The following HTR1F variants were observed in gnomAD, a reference collection of about 807,000 sequenced individuals.
HTR1F encodes the protein 5-hydroxytryptamine (serotonin) receptor 1F, G protein-coupled.
Under a neutral mutation model 24.0 loss-of-function variants are expected in HTR1F, and 17 were observed. The ratio of observed to expected loss-of-function variants is 0.71; its 90% CI spans 0.48 to 1.06. The LOEUF (loss-of-function observed/expected upper bound fraction) is 1.06. Among genes scored for constraint, HTR1F ranks in the 50% least tolerant of loss-of-function variants. The probability of loss-of-function intolerance (pLI) is 0.00; values close to 1 mark genes in which losing one functional copy is unlikely to be tolerated. For missense variants in HTR1F, 391 were observed against 427.8 expected (o/e 0.91, Z 0.76); for synonymous variants, 186 against 156.8 (o/e 1.19, Z -1.39).
At chr3:87,881,486 C>T (rs995112509) in intron 2 of HTR1F, among the ~76,000 whole-genome samples, 15 of 152,240 alleles carry the variant, frequency 9.9e-5, no homozygotes, top group Non-Finnish European at 2.1e-4. Flanking sequence ...TCTGTTGACT[C>T]CACCTCTGGG....
At chr3:87,881,685 C>T in intron 2 of HTR1F, among the ~76,000 whole-genome samples, 1 of 152,310 alleles carries the variant, frequency 6.6e-6, no homozygotes, top group African/African-American at 2.4e-5. Context: ...GGATCCCTTC[C>T]TTACACCTTA....
At chr3:87,822,896 T>C (rs549403395) in intron 2 of HTR1F, among the ~76,000 whole-genome samples, 2 of 152,354 alleles carry the variant, frequency 1.3e-5, no homozygotes, top group South Asian at 4.1e-4. Context: ...GATAATATTA[T>C]TCATATCAAT....
chr3:87,953,690 A>G (rs1439290720), intron 2 of HTR1F, among the ~76,000 whole-genome samples: 2 of 151,866 alleles, frequency 1.3e-5, no homozygotes, highest in Non-Finnish European at 2.9e-5. Flanking sequence ...CTAGGTATTT[A>G]TCAAAAGCAA....
intron 2 of HTR1F, among the ~76,000 whole-genome samples, chr3:87,967,483 T>A (rs1157576504): frequency 6.6e-6 from 1 of 150,420 alleles, no homozygotes; most frequent in Non-Finnish European, 1.5e-5. Flanking sequence ...AAGTGGTACC[T>A]CAAGGAGTGA....
chr3:87,871,411 G>C (rs191385887), intron 2 of HTR1F, among the ~76,000 whole-genome samples: 1 of 152,070 alleles, frequency 6.6e-6, no homozygotes, highest in Admixed American at 6.6e-5. Context: ...GGGACTTATG[G>C]GGTACTGTCA....
At chr3:87,965,029 A>G (rs1705134590) in intron 2 of HTR1F, among the ~76,000 whole-genome samples, 1 of 152,166 alleles carries the variant, frequency 6.6e-6, no homozygotes, top group Admixed American at 6.5e-5. Context: ...GCCTTCTGCC[A>G]TGATTGTGAG....
At chr3:87,917,023 T>G (rs1421872936) in intron 2 of HTR1F, among the ~76,000 whole-genome samples, 2 of 151,970 alleles carry the variant, frequency 1.3e-5, no homozygotes, top group Admixed American at 1.3e-4. Flanking sequence ...TCTCTCAGAC[T>G]ACAGTGGAAT....
chr3:87,943,063 T>C (rs1704609179), intron 2 of HTR1F, among the ~76,000 whole-genome samples: 3 of 152,214 alleles, frequency 2.0e-5, no homozygotes, highest in African/African-American at 4.8e-5. Context: ...CTAGTTTTCC[T>C]TAGTCCTCCT....
intron 2 of HTR1F, among the ~76,000 whole-genome samples, chr3:87,825,597 A>G (rs1218874411): frequency 6.6e-6 from 1 of 152,130 alleles, no homozygotes; most frequent in Non-Finnish European, 1.5e-5. Context: ...TCATCATACA[A>G]AATATTTCTG....
chr3:87,820,084 A>G (rs1328715072), intron 1 of HTR1F, among the ~76,000 whole-genome samples: 1 of 152,164 alleles, frequency 6.6e-6, no homozygotes, highest in Non-Finnish European at 1.5e-5. Flanking sequence ...ATAATAATGA[A>G]CAAGTCTAAA....
chr3:87,793,213 C>G (rs530190202), intron 1 of HTR1F: 85 of 152,430 alleles, frequency 5.6e-4, no homozygotes, highest in African/African-American at 2.0e-3. Context: ...GCGCTCCTAC[C>G]TCGGGAAGCC....
At chr3:87,987,892 G>A (rs74918215) in intron 2 of HTR1F, among the ~76,000 whole-genome samples, 10,179 of 146,996 alleles carry the variant, frequency 0.069, 413 homozygotes, top group African/African-American at 0.11. Flanking sequence ...AATAATTTAA[G>A]AAACTCCAAG....
chr3:87,793,980 A>AG (rs1553658559), intron 1 of HTR1F, among the ~76,000 whole-genome samples: 22 of 126,000 alleles, frequency 1.7e-4, no homozygotes, highest in East Asian at 6.6e-4. Flanking sequence ...AAAAAAAAAA[A>AG]AAAGAGAGAG....
intron 2 of HTR1F, among the ~76,000 whole-genome samples, chr3:87,878,795 C>T (rs924568539): frequency 2.6e-5 from 4 of 151,994 alleles, no homozygotes; most frequent in Non-Finnish European, 5.9e-5. Flanking sequence ...TTATATGTTG[C>T]TGGTTGGTTT....
At chr3:87,952,726 A>T (rs1355432943) in intron 2 of HTR1F, among the ~76,000 whole-genome samples, 2 of 151,984 alleles carry the variant, frequency 1.3e-5, no homozygotes, top group Non-Finnish European at 2.9e-5. Context: ...GAACTTTTTT[A>T]AAATATTTAT....
In HTR1F at chr3:87,799,712, C is replaced by T. The variant is rs144284775; in HGVS notation, c.-160+6870C>T. Among the ~76,000 whole-genome samples the T allele has an allele frequency of 7.9e-5, 12 of 152,268 alleles. No individual in the cohort carries two copies. The East Asian group carries it at 1.5e-3, about 20-fold the overall frequency. ...CATTATGTAATTCCATGAGCTGGTA[C>T]AAGTAGTCCCCTGAGTAGCACCAGT... On this transcript the variant is annotated intron_variant, in intron 1 of 2. Transcript: ENST00000319595.
chr3:87,970,977 A>G (rs1302156489), intron 2 of HTR1F, among the ~76,000 whole-genome samples: 1 of 151,962 alleles, frequency 6.6e-6, no homozygotes, highest in East Asian at 1.9e-4. Context: ...TCCTATAGCA[A>G]CTCTGCCAAA....
chr3:87,976,048 A>G (rs1328297973), intron 2 of HTR1F, among the ~76,000 whole-genome samples: 17 of 152,224 alleles, frequency 1.1e-4, no homozygotes, highest in Non-Finnish European at 2.5e-4. Flanking sequence ...TATGCTACTC[A>G]GTTAATCAGC....
At chr3:87,887,333 A>T (rs1233116176) in intron 2 of HTR1F, among the ~76,000 whole-genome samples, 2 of 152,206 alleles carry the variant, frequency 1.3e-5, no homozygotes, top group Non-Finnish European at 2.9e-5. Context: ...TTCAAGATGG[A>T]TTAAAGACTT....
Sources: allele counts gnomAD v4.1 joint callset (sites outside exome capture counted in the v4.1 genomes callset), GRCh38; gene constraint gnomAD v4.1.1; transcripts MANE v1.5; gene names NCBI Gene and HGNC (gene_info 2026-07-23, HGNC 2026-07-21).